LIMK2: variants seen among roughly 807,000 people sequenced by gnomAD.
The protein encoded by LIMK2 is LIM domain kinase 2.
Under a neutral mutation model 75.7 loss-of-function variants are expected in LIMK2, and 35 were observed. That is an observed-to-expected ratio of 0.46 (90% confidence interval 0.35 to 0.61). The LOEUF is 0.61. Ranked by LOEUF, LIMK2 falls within the 20% of genes least tolerant of loss-of-function variation. LIMK2 has a pLI of 0.00. For missense variants in LIMK2, 623 were observed against 831.0 expected (o/e 0.75, Z 3.08); for synonymous variants, 301 against 319.2 (o/e 0.94, Z 0.61).
chr22:31,265,137 T>A (rs1601436866), intron 7 of LIMK2, among the ~76,000 whole-genome samples: 1 of 132,770 alleles, frequency 7.5e-6, no homozygotes, highest in Admixed American at 9.3e-5. Context: ...GAGGTTGCAG[T>A]GAGTGGAGAT....
chr22:31,260,041 C>T lies in LIMK2; in HGVS notation c.515C>T (p.Ala172Val). 1 of 1,600,612 alleles carries T rather than the reference C, an allele frequency of 6.2e-7. No individual in the cohort carries two copies. The highest frequency in any genetic ancestry group is 8.5e-7 in the Non-Finnish European group (1 of 1,175,688). The stretch of plus-strand genomic sequence containing the variant: ...GGCTTCTCCGTGTCCGTGGAGAGTG[C>T]CTGCTCCAACTACGCCACCACTGTG... ...RRGFSVSVESACSNYATTVQV... is the reference protein window; with the variant it reads ...RRGFSVSVESVCSNYATTVQV... Residue 172 changes from alanine to valine, a missense_variant, in exon 5 of 16, where the codon GCC becomes GTC. By Grantham distance (64) the Ala-to-Val change is moderately conservative (BLOSUM62 0). Around this residue, in one of 3 missense-constraint regions of LIMK2, gnomAD observed 514 missense variants for 661.3 expected, o/e 0.78. Transcript: ENST00000331728.
At position 31,273,486 on chromosome 22, in the gene LIMK2, C is replaced by T. The variant is rs775327453; in HGVS notation, c.1593C>T (p.Ser531=). ...ATGATGAGACGGTGGATATCTTCTC[C>T]TTTGGGATCGTTCTCTGTGAGGTGA... The part of the protein sequence containing the change: ...KSYDETVDIF[S]FGIVLCEIIG... The change falls in exon 14 of 16, where the codon TCC becomes TCT. Residue 531 remains serine (S), a synonymous_variant. Transcript: ENST00000331728. The T allele has an allele frequency of 6.2e-7, 1 of 1,613,904 alleles. No homozygotes were observed. Among genetic ancestry groups the T allele is most frequent in the Admixed American group, 1.7e-5 (1 of 60,026 alleles).
At chr22:31,239,551 A>T (rs1334346018) in intron 2 of LIMK2, among the ~76,000 whole-genome samples, 2 of 152,098 alleles carry the variant, frequency 1.3e-5, no homozygotes, top group Non-Finnish European at 2.9e-5. Flanking sequence ...ATACCATCCC[A>T]TCTTCTGTGG....
chr22:31,262,506 G>C lies in LIMK2; in HGVS notation c.658-89G>C. On this transcript the variant is annotated intron_variant, in intron 6 of 15. Coordinates refer to ENST00000331728, the MANE Select transcript of LIMK2 (RefSeq NM_005569.4). This position sits in a 1 kb window ranked among gnomAD's most constrained non-coding sequence, Gnocchi z 5.0. The stretch of plus-strand genomic sequence containing the variant: ...GCCACCATTAGACAAGTTGAGCACT[G>C]GCCACACTGTGCCTGAGTCATCTGG... 3.8e-6 allele frequency: 5 copies of C among 1,298,708 alleles called. No individual in the cohort carries two copies. The highest frequency in any genetic ancestry group is 4.3e-6 in the Non-Finnish European group (4 of 921,390). The allele number at this position is 1,298,708 out of a possible 1,614,324, so 80.4% of individuals were successfully genotyped here. A position where few individuals can be genotyped will look rare whatever the true frequency, so the allele number is the denominator to read the frequency against.
At chr22:31,222,802 CCTT>C (rs2048447564) in intron 1 of LIMK2, 1 of 151,986 alleles carries the variant, frequency 6.6e-6, no homozygotes, top group Admixed American at 6.6e-5. Context: ...GCCATGCTAA[CCTT>C]CTGTGTCTCA....
chr22:31,268,004 C>G, intron 10 of LIMK2, 97 bp downstream of exon 10: 1 of 1,549,602 alleles, frequency 6.5e-7, no homozygotes, highest in Non-Finnish European at 8.9e-7. Flanking sequence ...AGGGGCCCTG[C>G]TTTGCCTCCA....
chr22:31,259,244 C>G lies in LIMK2; in HGVS notation c.362+14C>G, dbSNP rs756215306. The G allele has an allele frequency of 4.6e-6, 7 of 1,515,778 alleles. No homozygotes were observed. In the Admixed American group the frequency reaches 5.0e-5, roughly 11 times the overall value. The allele number at this position is 1,515,778 out of a possible 1,614,324, so 93.9% of individuals were successfully genotyped here. ...CACCCTCTACTGGTAAGATAGTGGT[C>G]CTTTGTCTATCCTCTCCCATATAAG... On this transcript the variant is annotated intron_variant, in intron 4 of 15. Transcript: ENST00000331728.
At chr22:31,238,960 A>G (rs956435410) in intron 2 of LIMK2, among the ~76,000 whole-genome samples, 6 of 152,216 alleles carry the variant, frequency 3.9e-5, no homozygotes, top group African/African-American at 1.4e-4. Flanking sequence ...TAGACATTCA[A>G]TTTTCTAATT....
intron 5 of LIMK2, among the ~76,000 whole-genome samples, chr22:31,260,505 AGAAT>A (rs1447803521): frequency 5.9e-5 from 9 of 152,232 alleles, no homozygotes; most frequent in Admixed American, 3.9e-4. Context: ...GTCAGTCGAG[AGAAT>A]GAATGGAGAA....
At chr22:31,276,781 A>G (rs2049028333) in intron 15 of LIMK2, 22 of 1,605,454 alleles carry the variant, frequency 1.4e-5, no homozygotes, top group Non-Finnish European at 1.9e-5. Flanking sequence ...CCACGCATCT[A>G]CTTTCAGAGC....
At chr22:31,267,219 C>T in intron 9 of LIMK2, 149 bp downstream of exon 9, 1 of 570,462 alleles carries the variant, frequency 1.8e-6, no homozygotes, top group East Asian at 3.1e-5. Context: ...CCCACTCCCT[C>T]TAAATTACAG....
At chr22:31,246,179 G>GCACACACACACACACACA (rs1341395963) in intron 2 of LIMK2, among the ~76,000 whole-genome samples, 1,663 of 69,616 alleles carry the variant, frequency 0.024, 24 homozygotes, top group Middle Eastern at 0.038. Flanking sequence ...ACACACGCAC[G>GCACACACACACACACACA]CACGCACACA....
At chr22:31,232,391 A>G (rs1038128611) in intron 2 of LIMK2, among the ~76,000 whole-genome samples, 1 of 152,202 alleles carries the variant, frequency 6.6e-6, no homozygotes, top group African/African-American at 2.4e-5. Context: ...ATGTCATAAA[A>G]GAAATCCATC....
In LIMK2 at chr22:31,267,866, T is replaced by G. The variant is rs2048912100; in HGVS notation, c.1219T>G (p.Tyr407Asp). 1 of 1,611,966 alleles carries G rather than the reference T, an allele frequency of 6.2e-7. No individual in the cohort carries two copies. The highest frequency in any genetic ancestry group is 1.3e-5 in the African/African-American group (1 of 74,626). Reference sequence around the variant, plus strand: ...TAAGAAGCTGAACCTCCTGACAGAGTACATTGAGGGGGGCACACTGAAGGA... The same window carrying G: ...TAAGAAGCTGAACCTCCTGACAGAGGACATTGAGGGGGGCACACTGAAGGA... ...KDKKLNLLTE[Y>D]IEGGTLKDFL... is the part of the protein sequence containing the mutation. Residue 407 changes from tyrosine (Y) to aspartate (D), a missense_variant, in exon 10 of 16, where the codon TAC (tyrosine) becomes GAC (aspartate). Tyr to Asp is a radical substitution (Grantham distance 160, BLOSUM62 -3). Coordinates refer to ENST00000331728, the MANE Select transcript of LIMK2 (RefSeq NM_005569.4).
rs563597002 is a variant in LIMK2 at position 31,277,173 on chromosome 22, T to C, written c.1773-1124T>C. Reference sequence around the variant, plus strand: ...CGACCCAGGCGAACGGTGGCTCCCATAGGACAATCGCTACCCCCCGACCTC... The same window carrying C: ...CGACCCAGGCGAACGGTGGCTCCCACAGGACAATCGCTACCCCCCGACCTC... On this transcript the variant is annotated intron_variant, in intron 15 of 15. Coordinates refer to ENST00000331728, the MANE Select transcript of LIMK2 (RefSeq NM_005569.4). 34 of 1,612,580 alleles carry C rather than the reference T, an allele frequency of 2.1e-5. No individual in the cohort carries two copies. In the East Asian group the frequency reaches 7.4e-4, roughly 35 times the overall value.
chr22:31,236,229 G>A (rs1176198893), intron 2 of LIMK2, among the ~76,000 whole-genome samples: 1 of 151,410 alleles, frequency 6.6e-6, no homozygotes, highest in African/African-American at 2.4e-5. Context: ...GGAAGGCAGA[G>A]GTTGTAGTGA....
chr22:31,272,052 T>A (rs1353947683), intron 12 of LIMK2, among the ~76,000 whole-genome samples: 2 of 151,022 alleles, frequency 1.3e-5, no homozygotes, highest in East Asian at 3.9e-4. Context: ...GTGTGTCTGT[T>A]TTTTTGTTTT....
intron 1 of LIMK2, among the ~76,000 whole-genome samples, chr22:31,222,529 CAT>C (rs2048444425): frequency 6.6e-6 from 1 of 151,850 alleles, no homozygotes; most frequent in African/African-American, 2.4e-5. Flanking sequence ...CGTGCACCAC[CAT>C]GCCCAGCCAA....
chr22:31,214,090 T>C (rs1474425937), intron 1 of LIMK2, among the ~76,000 whole-genome samples: 2 of 152,172 alleles, frequency 1.3e-5, no homozygotes. Context: ...GTGCTGGGAT[T>C]ACAGGCGTGA....
Sources: gnomAD v4.1 joint callset for allele counts (sites outside exome capture counted in the v4.1 genomes callset) on GRCh38, gnomAD v4.1.1 for gene constraint, gnomAD v4.1.1 regional missense constraint, Gnocchi (gnomAD v3.1) non-coding constraint, MANE v1.5 for transcripts, NCBI Gene and HGNC (gene_info 2026-07-23, HGNC 2026-07-21) for gene names.